The following CACNA1E variants were observed in gnomAD, a reference collection of about 807,000 sequenced individuals.
The protein encoded by CACNA1E is calcium voltage-gated channel subunit alpha1 E, also known as voltage-dependent R-type calcium channel subunit alpha-1E.
Under a neutral mutation model 259.2 loss-of-function variants are expected in CACNA1E, and 40 were observed. That is an observed-to-expected ratio of 0.15 (90% CI 0.12 to 0.20). The LOEUF is 0.20. Ranked by LOEUF, CACNA1E falls within the 10% of genes least tolerant of loss-of-function variation. The pLI is 1.00. For synonymous variants in CACNA1E, 1,104 were observed against 1,138.5 expected (o/e 0.97, Z 0.61); for missense variants, 1,874 against 3,040.1 (o/e 0.62, Z 9.02).
intron 2 of CACNA1E, among the ~76,000 whole-genome samples, chr1:181,461,770 A>ATT (rs893427255): frequency 6.2e-5 from 9 of 144,592 alleles, no homozygotes; most frequent in African/African-American, 2.3e-4. Flanking sequence ...CCCATCTTAG[A>ATT]TTTTTTTTTT....
At chr1:181,391,647 C>G (rs1656290056) in intron 1 of CACNA1E, among the ~76,000 whole-genome samples, 1 of 152,200 alleles carries the variant, frequency 6.6e-6, no homozygotes, top group Non-Finnish European at 1.5e-5. Context: ...TTTCTTTCTT[C>G]TAGTCTCCCC....
chr1:181,322,073 G>A (rs1326806486), intron 1 of CACNA1E, among the ~76,000 whole-genome samples: 1 of 152,174 alleles, frequency 6.6e-6, no homozygotes, highest in Non-Finnish European at 1.5e-5. Flanking sequence ...CCTTCTGGGT[G>A]GAGCAGCGAC....
chr1:181,596,197 CACAG>C (rs1219434449), intron 6 of CACNA1E, among the ~76,000 whole-genome samples: 1 of 152,158 alleles, frequency 6.6e-6, no homozygotes, highest in Non-Finnish European at 1.5e-5. Context: ...TGCTGTGGCT[CACAG>C]ACAGAGATCC....
At chr1:181,378,516 C>T (rs1655249362) in intron 1 of CACNA1E, among the ~76,000 whole-genome samples, 1 of 152,130 alleles carries the variant, frequency 6.6e-6, no homozygotes, top group Non-Finnish European at 1.5e-5. Flanking sequence ...GTTTACAGGA[C>T]AAAGTGACAG....
intron 1 of CACNA1E, among the ~76,000 whole-genome samples, chr1:181,389,132 TGTAG>T (rs1213818595): frequency 6.6e-6 from 1 of 150,800 alleles, no homozygotes; most frequent in Non-Finnish European, 1.5e-5. Flanking sequence ...CCAATAGCCC[TGTAG>T]CTCATGCCTG....
intron 2 of CACNA1E, among the ~76,000 whole-genome samples, chr1:181,425,531 T>TCC (rs1201398954): frequency 0.022 from 1,292 of 57,744 alleles, 14 homozygotes; most frequent in African/African-American, 0.071. Flanking sequence ...ACACCCCCGC[T>TCC]CCCCCCCCCG....
In CACNA1E at chr1:181,758,094, G is replaced by A. The variant is rs1658247597; in HGVS notation, c.4477G>A (p.Val1493Ile). ...TIMAMIALNT[V>I]VLMMKYYSAP... ...TATGGCCATGATCGCCTTGAATACT[G>A]TTGTGCTGATGATGAAGGTGAGAGG... The change falls in exon 31 of 48, where the codon GTT becomes ATT. Residue 1493 changes from valine to isoleucine, a missense_variant. By Grantham distance (29) the Val-to-Ile change is conservative. This residue lies in a region of CACNA1E where 188 missense variants were observed against 540.6 expected (regional missense o/e 0.35). Transcript: ENST00000367573. This position sits in a 1 kb window ranked among gnomAD's most constrained non-coding sequence, Gnocchi z 4.2. The A allele has an allele frequency of 1.2e-6, 2 of 1,613,674 alleles. No homozygotes were observed. Among genetic ancestry groups the A allele is most frequent in the Non-Finnish European group, 1.7e-6 (2 of 1,179,856 alleles).
chr1:181,343,529 C>T (rs563547141), intron 1 of CACNA1E, among the ~76,000 whole-genome samples: 23 of 152,198 alleles, frequency 1.5e-4, no homozygotes, highest in African/African-American at 5.3e-4. Context: ...AAGCCCTCAC[C>T]AGAAGCAGAT....
chr1:181,651,567 C>A, intron 7 of CACNA1E, 126 bp downstream of exon 7: 1 of 655,862 alleles, frequency 1.5e-6, no homozygotes, highest in Non-Finnish European at 2.7e-6. Context: ...AGCAGTTCCT[C>A]TGTGCCAAAT....
At chr1:181,389,271 G>A (rs617322) in intron 1 of CACNA1E, among the ~76,000 whole-genome samples, 80,169 of 151,916 alleles carry the variant, frequency 0.53, 22,656 homozygotes, top group African/African-American at 0.75. Context: ...ATCAACAGAA[G>A]GTGCAAAAAT....
At chr1:181,683,561 A>G (rs959176022) in intron 7 of CACNA1E, among the ~76,000 whole-genome samples, 5 of 152,196 alleles carry the variant, frequency 3.3e-5, no homozygotes, top group African/African-American at 1.2e-4. Flanking sequence ...AGTACCCAAT[A>G]GGGAGTTTAT....
At chr1:181,508,011 A>G (rs1190570026) in intron 1 of CACNA1E, among the ~76,000 whole-genome samples, 11 of 152,080 alleles carry the variant, frequency 7.2e-5, no homozygotes. Flanking sequence ...GCTCTTGGGG[A>G]CTGGCAGACA....
At chr1:181,723,588 G>A (rs1012878064) in intron 16 of CACNA1E, among the ~76,000 whole-genome samples, 2 of 152,082 alleles carry the variant, frequency 1.3e-5, no homozygotes, top group African/African-American at 4.8e-5. Context: ...CCCACAGGTC[G>A]ATGGCTCAAT....
At chr1:181,667,873 A>G (rs1281287600) in intron 7 of CACNA1E, among the ~76,000 whole-genome samples, 1 of 151,790 alleles carries the variant, frequency 6.6e-6, no homozygotes, top group African/African-American at 2.4e-5. Context: ...TTTTGAAATA[A>G]TTATAGAATC....
intron 1 of CACNA1E, among the ~76,000 whole-genome samples, chr1:181,410,868 AATTTGACTTGCC>A (rs1657794704): frequency 6.6e-6 from 1 of 152,152 alleles, no homozygotes; most frequent in Non-Finnish European, 1.5e-5. Context: ...TGTGACTTGC[AATTTGACTTGCC>A]GTCCAACCCA....
At chr1:181,490,923 C>G (rs1173416859) in intron 1 of CACNA1E, among the ~76,000 whole-genome samples, 3 of 152,090 alleles carry the variant, frequency 2.0e-5, no homozygotes, top group East Asian at 3.9e-4. Flanking sequence ...TGCAGGACAT[C>G]GTGCGTGGCC....
At chr1:181,534,251 A>T (rs923642861) in intron 3 of CACNA1E, among the ~76,000 whole-genome samples, 1 of 152,154 alleles carries the variant, frequency 6.6e-6, no homozygotes, top group South Asian at 2.1e-4. Context: ...TTTTCATCTA[A>T]TTCATAAACT....
intron 1 of CACNA1E, among the ~76,000 whole-genome samples, chr1:181,394,283 A>C (rs1656502540): frequency 6.6e-6 from 1 of 152,226 alleles, no homozygotes. Context: ...GGTTTAAATA[A>C]GATAGCATAT....
At chr1:181,651,617 C>T in intron 7 of CACNA1E, 176 bp downstream of exon 7, 1 of 546,824 alleles carries the variant, frequency 1.8e-6, no homozygotes. Flanking sequence ...AACCATCATT[C>T]TAATAATCTT....
Sources: allele counts gnomAD v4.1 joint callset (sites outside exome capture counted in the v4.1 genomes callset), GRCh38; gene constraint gnomAD v4.1.1; regional missense constraint gnomAD v4.1.1; non-coding constraint Gnocchi (gnomAD v3.1); transcripts MANE v1.5; gene names NCBI Gene and HGNC (gene_info 2026-07-23, HGNC 2026-07-21).